The following GALNT13 variants were observed in gnomAD, a reference collection of about 807,000 sequenced individuals.
The protein encoded by GALNT13 is UDP-GalNAc:polypeptide N-acetylgalactosaminyltransferase 13.
In GALNT13, 28 loss-of-function variants were observed where a neutral mutation model predicts 64.2. That is an observed-to-expected ratio of 0.44 (90% CI 0.32 to 0.60). The LOEUF (loss-of-function observed/expected upper bound fraction) is 0.60, where lower values mean the gene tolerates loss of function less well. Among genes scored for constraint, GALNT13 ranks in the 20% least tolerant of loss-of-function variants. GALNT13 has a pLI of 0.05. For missense variants in GALNT13, 577 were observed against 669.8 expected (o/e 0.86, Z 1.53); for synonymous variants, 214 against 224.6 (o/e 0.95, Z 0.42).
the GALNT13 span, among the ~76,000 whole-genome samples, chr2:153,242,238 T>G: frequency 6.6e-6 from 1 of 152,170 alleles, no homozygotes; most frequent in East Asian, 1.9e-4. Flanking sequence ...CTGGAATGAT[T>G]CTATTCTGGC....
At chr2:153,957,501 G>A (rs190297068) in intron 3 of GALNT13, among the ~76,000 whole-genome samples, 16 of 152,334 alleles carry the variant, frequency 1.1e-4, no homozygotes, top group Admixed American at 7.8e-4. Context: ...GTGGGGGCTA[G>A]TAGAAGAAGG....
At chr2:154,344,763 A>C (rs2105235122) in intron 9 of GALNT13, among the ~76,000 whole-genome samples, 1 of 152,152 alleles carries the variant, frequency 6.6e-6, no homozygotes, top group African/African-American at 2.4e-5. Flanking sequence ...CATCACTATT[A>C]ATCATGAATT....
the GALNT13 span, among the ~76,000 whole-genome samples, chr2:153,199,887 A>T: frequency 1.3e-5 from 2 of 152,228 alleles, no homozygotes; most frequent in East Asian, 3.9e-4. Flanking sequence ...ATACAGTGCC[A>T]TGAGAAATAA....
At chr2:153,522,717 T>A in the GALNT13 span, among the ~76,000 whole-genome samples, 1 of 152,206 alleles carries the variant, frequency 6.6e-6, no homozygotes, top group Non-Finnish European at 1.5e-5. Context: ...TGTTTTCTTA[T>A]TTTTGAATTT....
the GALNT13 span, among the ~76,000 whole-genome samples, chr2:153,797,253 G>A: frequency 6.6e-6 from 1 of 152,158 alleles, no homozygotes; most frequent in Non-Finnish European, 1.5e-5. Context: ...GTTTCAATCT[G>A]AAAGAACGAA....
chr2:154,351,718 A>AAAAAAAAAAAT (rs1696419416), intron 9 of GALNT13, among the ~76,000 whole-genome samples: 1 of 121,130 alleles, frequency 8.3e-6, no homozygotes. Flanking sequence ...AAAAAAAAAA[A>AAAAAAAAAAAT]AAGCCAGAGC....
the GALNT13 span, among the ~76,000 whole-genome samples, chr2:153,694,904 C>T: frequency 4.0e-3 from 604 of 152,048 alleles, 1 homozygote; most frequent in Non-Finnish European, 6.8e-3. Flanking sequence ...CCAAAACAAC[C>T]CCCAGATTCA....
At chr2:153,522,526 G>T in the GALNT13 span, among the ~76,000 whole-genome samples, 1 of 152,104 alleles carries the variant, frequency 6.6e-6, no homozygotes, top group African/African-American at 2.4e-5. Context: ...GTTTCTGTTG[G>T]TGGTGGTGTT....
At chr2:153,550,913 A>G in the GALNT13 span, among the ~76,000 whole-genome samples, 1,387 of 152,282 alleles carry the variant, frequency 9.1e-3, 19 homozygotes, top group African/African-American at 0.032. Context: ...TAGTGGAGGG[A>G]CAATAAAAAA....
At chr2:153,876,109 CAT>C (rs956037403) in intron 1 of GALNT13, among the ~76,000 whole-genome samples, 3 of 152,106 alleles carry the variant, frequency 2.0e-5, no homozygotes, top group South Asian at 2.1e-4. Context: ...AAAATAAACA[CAT>C]GTGAAACATC....
chr2:153,631,004 C>G, the GALNT13 span, among the ~76,000 whole-genome samples: 5 of 150,974 alleles, frequency 3.3e-5, no homozygotes, highest in Non-Finnish European at 2.9e-5. Context: ...TGTTCCCCTT[C>G]CTGTGTCCAA....
At chr2:153,780,411 A>G in the GALNT13 span, among the ~76,000 whole-genome samples, 1 of 151,936 alleles carries the variant, frequency 6.6e-6, no homozygotes, top group Admixed American at 6.6e-5. Flanking sequence ...TAATCACATC[A>G]GGCAGTCCTT....
intron 3 of GALNT13, among the ~76,000 whole-genome samples, chr2:154,028,660 A>T (rs1450418196): frequency 6.6e-6 from 1 of 152,036 alleles, no homozygotes; most frequent in Non-Finnish European, 1.5e-5. Context: ...CTTGACTCAC[A>T]TTTTTATTAG....
At chr2:154,170,481 T>A (rs1331605956) in intron 4 of GALNT13, among the ~76,000 whole-genome samples, 1 of 152,186 alleles carries the variant, frequency 6.6e-6, no homozygotes, top group Admixed American at 6.5e-5. Flanking sequence ...GACTCAGGTC[T>A]ACACCTGCTT....
At chr2:153,172,475 C>T in the GALNT13 span, among the ~76,000 whole-genome samples, 1 of 151,994 alleles carries the variant, frequency 6.6e-6, no homozygotes, top group Non-Finnish European at 1.5e-5. Context: ...ACTGCCAACC[C>T]TAAGGGGATT....
chr2:154,404,069 A>G (rs1699419805), intron 10 of GALNT13, among the ~76,000 whole-genome samples: 1 of 152,142 alleles, frequency 6.6e-6, no homozygotes, highest in Non-Finnish European at 1.5e-5. Flanking sequence ...TTCCTAAACC[A>G]TTGACTCCTG....
the GALNT13 span, among the ~76,000 whole-genome samples, chr2:153,815,887 G>A: frequency 6.6e-6 from 1 of 152,064 alleles, no homozygotes; most frequent in Non-Finnish European, 1.5e-5. Flanking sequence ...ACTCACCCAA[G>A]GTTTTAAACC....
At chr2:153,792,549 A>G in the GALNT13 span, among the ~76,000 whole-genome samples, 1 of 152,204 alleles carries the variant, frequency 6.6e-6, no homozygotes, top group African/African-American at 2.4e-5. Context: ...ATTTGGGATT[A>G]TATTTTATAT....
chr2:154,298,096 G>A (rs565330779), intron 8 of GALNT13, among the ~76,000 whole-genome samples: 117 of 151,934 alleles, frequency 7.7e-4, no homozygotes, highest in African/African-American at 2.7e-3. Context: ...ATAGTAACAA[G>A]TGAGACCACC....
Sources: allele counts gnomAD v4.1 joint callset (sites outside exome capture counted in the v4.1 genomes callset), GRCh38; gene constraint gnomAD v4.1.1; transcripts MANE v1.5; gene names NCBI Gene and HGNC (gene_info 2026-07-23, HGNC 2026-07-21).